Variants in NAALADL2 observed in about 807,000 individuals in gnomAD.
The protein encoded by NAALADL2 is inactive N-acetylated-alpha-linked acidic dipeptidase-like protein 2.
A neutral mutation model predicts 87.2 loss-of-function variants in NAALADL2; 76 were observed. The observed-to-expected ratio is 0.87, with a 90% CI of 0.72 to 1.05. The LOEUF (loss-of-function observed/expected upper bound fraction) is 1.05, where lower values mean the gene tolerates loss of function less well. Ranked by LOEUF, NAALADL2 falls within the 50% of genes least tolerant of loss-of-function variation. NAALADL2 has a pLI of 0.00. For missense variants in NAALADL2, 1,089 were observed against 945.8 expected (o/e 1.15, Z -1.99); for synonymous variants, 354 against 331.0 (o/e 1.07, Z -0.75).
intron 1 of NAALADL2, among the ~76,000 whole-genome samples, chr3:174,522,786 T>G (rs144382699): frequency 0.022 from 3,333 of 151,336 alleles, 124 homozygotes; most frequent in African/African-American, 0.07. Flanking sequence ...ATACAAAAAT[T>G]AGCCGGGTGC....
intron 3 of NAALADL2, among the ~76,000 whole-genome samples, chr3:174,761,627 T>C (rs1205143451): frequency 6.6e-6 from 1 of 152,188 alleles, no homozygotes; most frequent in African/African-American, 2.4e-5. Flanking sequence ...AATTTTTTTA[T>C]TATTATACTT....
At chr3:174,799,152 A>G (rs905529259) in intron 3 of NAALADL2, among the ~76,000 whole-genome samples, 2 of 150,954 alleles carry the variant, frequency 1.3e-5, no homozygotes, top group African/African-American at 2.4e-5. Context: ...CCTGGGCGAC[A>G]GAGCAAGACT....
At position 175,053,269 on chromosome 3, in the gene NAALADL2, C is replaced by G. The variant is rs552543031; in HGVS notation, c.44-43521C>G. The stretch of plus-strand genomic sequence containing the variant: ...TAAGTATAATTGTTCTCTGTGTCAG[C>G]CTTTGTTGTAGGAATACTCATGGCA... On this transcript the variant is annotated intron_variant, in intron 1 of 13. Transcript: ENST00000454872. Among the ~76,000 whole-genome samples, 13 of 152,246 alleles carry G rather than the reference C, an allele frequency of 8.5e-5. No individual in the cohort carries two copies. The South Asian group carries it at 2.1e-3, about 24-fold the overall frequency.
intron 2 of NAALADL2, among the ~76,000 whole-genome samples, chr3:175,113,300 G>T (rs912219731): frequency 6.6e-6 from 1 of 151,578 alleles, no homozygotes; most frequent in Non-Finnish European, 1.5e-5. Flanking sequence ...TGTATGGTCA[G>T]TGAGGTATGT....
chr3:174,444,160 G>A (rs556785774), intron 1 of NAALADL2, among the ~76,000 whole-genome samples: 10 of 152,150 alleles, frequency 6.6e-5, no homozygotes, highest in African/African-American at 1.9e-4. Flanking sequence ...GAGACAGAGG[G>A]GAATGCTGTT....
rs145651188 is a variant in NAALADL2, at chr3:175,614,233, A to G, written c.1801-13058A>G. Among the ~76,000 whole-genome samples the G allele has an allele frequency of 6.0e-3, 921 of 152,238 alleles. 6 individuals are homozygous for G. The highest frequency in any genetic ancestry group is 0.021 in the African/African-American group (864 of 41,548). On this transcript the variant is annotated intron_variant, in intron 10 of 13. Coordinates refer to ENST00000454872, the MANE Select transcript of NAALADL2 (RefSeq NM_207015.3). The stretch of plus-strand genomic sequence containing the variant: ...ATACCTGGTTAACTTTTGTATTTTT[A>G]GTAGAGACCAGGTTTCACCATGTTG...
intron 1 of NAALADL2, among the ~76,000 whole-genome samples, chr3:174,522,516 T>C (rs1720367399): frequency 6.6e-6 from 1 of 151,914 alleles, no homozygotes; most frequent in African/African-American, 2.4e-5. Context: ...AAAAATTACA[T>C]GGGCATAGTG....
intron 2 of NAALADL2, among the ~76,000 whole-genome samples, chr3:174,558,262 C>T (rs28864815): frequency 0.078 from 11,895 of 152,112 alleles, 1,051 homozygotes; most frequent in African/African-American, 0.22. Context: ...ATTTCTACTG[C>T]GCTTGTTTCC....
chr3:175,229,681 C>A (rs1744663265), intron 2 of NAALADL2, among the ~76,000 whole-genome samples: 1 of 151,878 alleles, frequency 6.6e-6, no homozygotes, highest in African/African-American at 2.4e-5. Flanking sequence ...TTAATACTAT[C>A]ACCTTGGGGG....
intron 5 of NAALADL2, among the ~76,000 whole-genome samples, chr3:175,380,837 G>A (rs906060780): frequency 2.0e-5 from 3 of 152,086 alleles, no homozygotes; most frequent in Non-Finnish European, 4.4e-5. Context: ...CTCTGTGTCT[G>A]AAAACTGAAT....
Position 175,398,321 on chromosome 3 carries a change from CTTAA to C in NAALADL2, c.1091-48904_1091-48901del, listed in dbSNP as rs555444383. On this transcript the variant is annotated intron_variant, in intron 5 of 13. Transcript: ENST00000454872. ...AGCTGACATCCAGGAAACTTTCATT[CTTAA>C]TTAGTGATGCTTCTGCTACTTTTTT... Among the ~76,000 whole-genome samples, 31 of 142,838 alleles carry C rather than the reference CTTAA, an allele frequency of 2.2e-4. No homozygotes were observed. In the South Asian group the frequency reaches 6.2e-3, roughly 29 times the overall value. The allele number at this position is 142,838 out of a possible 152,430, so 93.7% of individuals were successfully genotyped here. A position where few individuals can be genotyped will look rare whatever the true frequency, so the allele number is the denominator to read the frequency against.
intron 9 of NAALADL2, among the ~76,000 whole-genome samples, chr3:175,533,539 C>T (rs1233752023): frequency 6.6e-6 from 1 of 152,178 alleles, no homozygotes; most frequent in Non-Finnish European, 1.5e-5. Context: ...GATGGGGAAG[C>T]TGTTTATTCT....
chr3:175,455,730 T>C (rs1464064064), intron 6 of NAALADL2, among the ~76,000 whole-genome samples: 1 of 151,982 alleles, frequency 6.6e-6, no homozygotes, highest in East Asian at 1.9e-4. Context: ...TATATTCAGA[T>C]TTTCCGGCAA....
chr3:175,751,470 T>C (rs1472222400), intron 12 of NAALADL2, among the ~76,000 whole-genome samples: 2 of 152,072 alleles, frequency 1.3e-5, no homozygotes, highest in African/African-American at 4.8e-5. Flanking sequence ...GGGTTTGTAG[T>C]AACTTGTGTT....
chr3:175,211,530 A>ATATGTAAGTGT (rs1741763324), intron 2 of NAALADL2, among the ~76,000 whole-genome samples: 1 of 151,948 alleles, frequency 6.6e-6, no homozygotes, highest in Non-Finnish European at 1.5e-5. Context: ...TAAAACACTT[A>ATATGTAAGTGT]CATATTTTAC....
chr3:175,031,234 G>T lies in NAALADL2; in HGVS notation c.44-65556G>T, dbSNP rs184538761. Among the ~76,000 whole-genome samples the T allele has an allele frequency of 2.7e-3, 413 of 152,028 alleles. 3 individuals carry two copies. Among genetic ancestry groups the T allele is most frequent in the African/African-American group, 9.6e-3 (399 of 41,520 alleles). ...GGGGTATGATTGGTTTCATCACCCA[G>T]GTAGCCTGGTACCCAATAGGTAATT... On this transcript the variant is annotated intron_variant, in intron 1 of 13. Coordinates refer to ENST00000454872, the MANE Select transcript of NAALADL2 (RefSeq NM_207015.3).
chr3:174,713,691 T>A (rs943918926), intron 2 of NAALADL2, among the ~76,000 whole-genome samples: 2 of 152,050 alleles, frequency 1.3e-5, no homozygotes, highest in Admixed American at 1.3e-4. Flanking sequence ...TTGTAGATTC[T>A]GGATATTAGC....
chr3:174,708,730 T>A (rs912658373), intron 2 of NAALADL2, among the ~76,000 whole-genome samples: 1 of 152,174 alleles, frequency 6.6e-6, no homozygotes, highest in Non-Finnish European at 1.5e-5. Context: ...CCTTTTCAGG[T>A]TTCCTTGAAT....
Position 174,713,478 on chromosome 3 carries a change from T to A in NAALADL2, c.-114-24163T>A, listed in dbSNP as rs577420607. ...TCTCCAGCACCTGTTGTTTCCTGAC[T>A]TTTTAATGACTGCCATTCTAACTGG... is the stretch of plus-strand genomic sequence containing the variant. On this transcript the variant is annotated intron_variant, in intron 2 of 3. Coordinates refer to the NAALADL2 transcript ENST00000434257. 5.8e-3 allele frequency among the ~76,000 whole-genome samples: 879 copies of A among 151,566 alleles called. 7 individuals are homozygous for A. Among genetic ancestry groups the A allele is most frequent in the African/African-American group, 0.013 (535 of 40,868 alleles).
Sources: allele counts gnomAD v4.1 joint callset (sites outside exome capture counted in the v4.1 genomes callset), GRCh38; gene constraint gnomAD v4.1.1; transcripts MANE v1.5; gene names NCBI Gene and HGNC (gene_info 2026-07-23, HGNC 2026-07-21).